Variants in ULK4 observed in about 807,000 individuals in gnomAD.
The protein encoded by ULK4 is inactive serine/threonine-protein kinase ULK4.
A neutral mutation model predicts 160.6 loss-of-function variants in ULK4; 133 were observed. That is an observed-to-expected ratio of 0.83 (90% CI 0.72 to 0.96). The LOEUF is 0.96. ULK4 is among the 40% of genes least tolerant of loss of function. ULK4 has a pLI of 0.00. For synonymous variants in ULK4, 534 were observed against 539.8 expected, an observed-to-expected ratio of 0.99 and a Z score of 0.15; for missense variants, 1,580 against 1,499.5, an observed-to-expected ratio of 1.05 and a Z score of -0.89.
At chr3:41,588,213 T>C (rs962294491) in intron 31 of ULK4, among the ~76,000 whole-genome samples, 6 of 152,140 alleles carry the variant, frequency 3.9e-5, no homozygotes, top group African/African-American at 9.7e-5. Flanking sequence ...AGGAGAAACA[T>C]AGATACATAG....
chr3:41,569,654 C>A (rs1006341051), intron 31 of ULK4, among the ~76,000 whole-genome samples: 1 of 152,172 alleles, frequency 6.6e-6, no homozygotes, highest in Non-Finnish European at 1.5e-5. Context: ...TACACCTTCA[C>A]AAAATTTCCC....
chr3:41,873,617 G>A (rs62258653), intron 17 of ULK4, among the ~76,000 whole-genome samples: 1 of 152,098 alleles, frequency 6.6e-6, no homozygotes, highest in Non-Finnish European at 1.5e-5. Flanking sequence ...GCAGTTGTGC[G>A]ATCTCAGCTC....
chr3:41,600,000 T>C (rs2031959456), intron 31 of ULK4, among the ~76,000 whole-genome samples: 1 of 152,234 alleles, frequency 6.6e-6, no homozygotes, highest in Non-Finnish European at 1.5e-5. Flanking sequence ...TACTTTTATG[T>C]TCCAAAATGT....
intron 17 of ULK4, among the ~76,000 whole-genome samples, chr3:41,877,265 T>C (rs1386323042): frequency 6.6e-6 from 1 of 152,056 alleles, no homozygotes; most frequent in African/African-American, 2.4e-5. Context: ...TAACAATACG[T>C]GTACTATTTT....
rs116784024 is a variant in ULK4, at chr3:41,482,469, T to A, written c.3227-19216A>T. On this transcript the variant is annotated intron_variant, in intron 32 of 36. Transcript: ENST00000301831. ...AACTTGGGGCAAGGGGCTTCAGGTG[T>A]CAAGTTTGGGCCCTCAGTTCCAGAT... Among the ~76,000 whole-genome samples the A allele has an allele frequency of 5.8e-3, 880 of 152,272 alleles. 6 individuals carry two copies. Among genetic ancestry groups the A allele is most frequent in the African/African-American group, 0.02 (837 of 41,528 alleles).
At chr3:41,816,843 G>C (rs2040980162) in intron 19 of ULK4, among the ~76,000 whole-genome samples, 2 of 152,110 alleles carry the variant, frequency 1.3e-5, no homozygotes, top group African/African-American at 2.4e-5. Flanking sequence ...TTTTAAGTTT[G>C]CCTATGTCAA....
intron 22 of ULK4, among the ~76,000 whole-genome samples, chr3:41,725,029 A>G (rs1369196513): frequency 6.6e-6 from 1 of 152,178 alleles, no homozygotes; most frequent in African/African-American, 2.4e-5. Flanking sequence ...TTGATTATAT[A>G]TGTTGATTAT....
chr3:41,855,283 A>G (rs1955684592), intron 17 of ULK4, among the ~76,000 whole-genome samples: 1 of 147,716 alleles, frequency 6.8e-6, no homozygotes. Flanking sequence ...GGAAACCACA[A>G]ACAAAACCTG....
At chr3:41,665,711 G>A in intron 29 of ULK4, among the ~76,000 whole-genome samples, 1 of 151,604 alleles carries the variant, frequency 6.6e-6, no homozygotes, top group South Asian at 2.1e-4. Context: ...AAATCTTTAG[G>A]GATAATAAAA....
At chr3:41,948,039 G>A (rs1307005674) in intron 2 of ULK4, among the ~76,000 whole-genome samples, 1 of 152,060 alleles carries the variant, frequency 6.6e-6, no homozygotes, top group East Asian at 1.9e-4. Context: ...TCCCACACGT[G>A]ACCGACCCCA....
chr3:41,479,215 T>C (rs190471008), intron 32 of ULK4, among the ~76,000 whole-genome samples: 55 of 152,346 alleles, frequency 3.6e-4, no homozygotes, highest in South Asian at 1.7e-3. Context: ...CCTTCTCCTT[T>C]TTCCTCCCCT....
In ULK4 at chr3:41,631,977, C is replaced by T. The variant is rs1261962897; in HGVS notation, c.3072-16260G>A. ...CCAGTGCTTTCCATTCTTTCTGGGTCCTGAGCCTTCACTCTCTCTCTGAAC... is the reference window on the plus strand; with the variant it reads ...CCAGTGCTTTCCATTCTTTCTGGGTTCTGAGCCTTCACTCTCTCTCTGAAC... On this transcript the variant is annotated intron_variant, in intron 30 of 36. Coordinates refer to ENST00000301831, the MANE Select transcript of ULK4 (RefSeq NM_017886.4). 5.7e-4 allele frequency among the ~76,000 whole-genome samples: 86 copies of T among 152,200 alleles called. 1 individual carries two copies. The highest frequency in any genetic ancestry group is 8.8e-5 in the Non-Finnish European group (6 of 68,046).
intron 35 of ULK4, among the ~76,000 whole-genome samples, chr3:41,299,490 A>G (rs927266139): frequency 3.3e-5 from 5 of 152,234 alleles, no homozygotes; most frequent in Non-Finnish European, 7.3e-5. Context: ...CCATCAAGAC[A>G]AGCAAGAGGC....
intron 30 of ULK4, among the ~76,000 whole-genome samples, chr3:41,622,982 T>C (rs1664112450): frequency 6.6e-6 from 1 of 152,176 alleles, no homozygotes; most frequent in South Asian, 2.1e-4. Context: ...AAAACTTTAT[T>C]TATAAACAAC....
chr3:41,309,287 A>G (rs1335315260), intron 35 of ULK4, among the ~76,000 whole-genome samples: 1 of 152,180 alleles, frequency 6.6e-6, no homozygotes, highest in Admixed American at 6.5e-5. Context: ...TGAAACATCT[A>G]GAAACACTGT....
At chr3:41,525,798 T>C (rs1407245925) in intron 32 of ULK4, among the ~76,000 whole-genome samples, 1 of 152,240 alleles carries the variant, frequency 6.6e-6, no homozygotes, top group East Asian at 1.9e-4. Context: ...CTGGTTCCCT[T>C]TCACTTCTTC....
chr3:41,872,320 G>T (rs530304758), intron 17 of ULK4, among the ~76,000 whole-genome samples: 1 of 152,252 alleles, frequency 6.6e-6, no homozygotes, highest in African/African-American at 2.4e-5. Flanking sequence ...GGTTCCACAG[G>T]GTGTCGTTCA....
intron 25 of ULK4, among the ~76,000 whole-genome samples, chr3:41,712,627 T>C (rs2037136990): frequency 2.0e-5 from 3 of 152,202 alleles, no homozygotes; most frequent in Non-Finnish European, 2.9e-5. Flanking sequence ...AGGTGGCTCA[T>C]GCCTATAATC....
intron 35 of ULK4, among the ~76,000 whole-genome samples, chr3:41,345,988 A>G (rs1285447475): frequency 6.6e-6 from 1 of 151,838 alleles, no homozygotes; most frequent in East Asian, 1.9e-4. Context: ...GAAGAGCCCA[A>G]AGGTACAGCC....
Sources: allele counts gnomAD v4.1 joint callset (sites outside exome capture counted in the v4.1 genomes callset), GRCh38; gene constraint gnomAD v4.1.1; transcripts MANE v1.5; gene names NCBI Gene and HGNC (gene_info 2026-07-23, HGNC 2026-07-21).